Variants in DOP1A observed in about 807,000 individuals in gnomAD.
DOP1A encodes protein DOP1A.
In DOP1A, 90 loss-of-function variants were observed where a neutral mutation model predicts 267.6. The ratio of observed to expected loss-of-function variants is 0.34; its 90% CI spans 0.28 to 0.40. DOP1A has a LOEUF of 0.40. Ranked by LOEUF, DOP1A falls within the 10% of genes least tolerant of loss-of-function variation. The probability of loss-of-function intolerance (pLI) is 1.00; values close to 1 mark genes in which losing one functional copy is unlikely to be tolerated. For missense variants in DOP1A, 2,437 were observed against 2,900.4 expected (o/e 0.84, Z 3.67); for synonymous variants, 932 against 999.1 (o/e 0.93, Z 1.27).
chr6:83,159,792 A>G lies in DOP1A; in HGVS notation c.6798-4A>G, dbSNP rs760070085. ...CTGCTGACAGCACTGTCTCCTGCTT[A>G]CAGGACTTCAGGGCCCTCTGTGGCT... On this transcript the variant is annotated splice_polypyrimidine_tract_variant and splice_region_variant and intron_variant, in intron 36 of 38. Transcript: ENST00000349129. 6.2e-7 allele frequency: 1 copy of G among 1,614,026 alleles called. No homozygotes were observed. Among genetic ancestry groups the G allele is most frequent in the African/African-American group, 1.3e-5 (1 of 74,922 alleles).
chr6:83,077,948 C>T (rs1767415615), intron 1 of DOP1A, among the ~76,000 whole-genome samples: 2 of 152,094 alleles, frequency 1.3e-5, no homozygotes, highest in African/African-American at 4.8e-5. Flanking sequence ...CTGTTCTGGG[C>T]TGTGGGTTGG....
At chr6:83,098,019 A>G (rs568114111) in intron 3 of DOP1A, among the ~76,000 whole-genome samples, 1 of 152,102 alleles carries the variant, frequency 6.6e-6, no homozygotes, top group East Asian at 1.9e-4. Context: ...CAGCCTTCTG[A>G]GTAGGTGGGA....
At chr6:83,142,182 A>C in intron 24 of DOP1A, 136 bp downstream of exon 24, 1 of 1,118,248 alleles carries the variant, frequency 8.9e-7, no homozygotes, top group Admixed American at 2.6e-5. Context: ...CTTTAGATAA[A>C]TTGTTGCCTT....
chr6:83,138,738 A>C lies in DOP1A; in HGVS notation c.4696A>C (p.Asn1566His), dbSNP rs1428415227. The change falls in exon 21 of 39, where the codon AAT (asparagine) becomes CAT (histidine). Residue 1566 changes from asparagine (N) to histidine (H), a missense_variant. Coordinates refer to ENST00000349129, the MANE Select transcript of DOP1A (RefSeq NM_015018.4). Reference sequence around the variant, plus strand: ...AGGTTTCTCAGAGGACAGCCTTATTAATTTCTCAGAGGATGAATTTGACAA... The same window carrying C: ...AGGTTTCTCAGAGGACAGCCTTATTCATTTCTCAGAGGATGAATTTGACAA... ...EEGFSEDSLI[N>H]FSEDEFDNGS... The C allele has an allele frequency of 1.9e-6, 3 of 1,614,052 alleles. No homozygotes were observed. The Admixed American group carries it at 5.0e-5, about 27-fold the overall frequency.
intron 34 of DOP1A, among the ~76,000 whole-genome samples, chr6:83,156,831 A>G (rs1371250103): frequency 6.6e-6 from 1 of 151,918 alleles, no homozygotes; most frequent in Non-Finnish European, 1.5e-5. Context: ...TGTCCCTACA[A>G]TTTTTTTTGT....
intron 25 of DOP1A, among the ~76,000 whole-genome samples, chr6:83,146,278 G>A (rs538536075): frequency 2.4e-4 from 37 of 152,272 alleles, no homozygotes; most frequent in African/African-American, 8.7e-4. Context: ...TTCCCAGAAA[G>A]TATTTACCAA....
intron 38 of DOP1A, chr6:83,166,637 G>A (rs758245662): frequency 4.4e-5 from 44 of 990,488 alleles, no homozygotes; most frequent in Non-Finnish European, 5.4e-5. Context: ...AATATAAAAC[G>A]GCAAATTTCA....
At chr6:83,075,041 T>C (rs1185446394) in intron 1 of DOP1A, among the ~76,000 whole-genome samples, 2 of 152,246 alleles carry the variant, frequency 1.3e-5, no homozygotes, top group Non-Finnish European at 2.9e-5. Context: ...AGTTTCGTTG[T>C]GTGTTCTTTC....
downstream of DOP1A, chr6:83,169,490 A>G: frequency 1.3e-6 from 1 of 748,412 alleles, no homozygotes; most frequent in Admixed American, 2.9e-5. Flanking sequence ...ACAAATTCCA[A>G]AGCCCTTAAA....
chr6:83,071,409 G>A (rs1447095034), intron 1 of DOP1A, among the ~76,000 whole-genome samples: 3 of 152,096 alleles, frequency 2.0e-5, no homozygotes, highest in African/African-American at 7.2e-5. Flanking sequence ...GTTTCGCCAT[G>A]TTGGTCACGC....
intron 38 of DOP1A, 85 bp downstream of exon 38, chr6:83,163,004 T>C: frequency 1.4e-6 from 2 of 1,417,862 alleles, no homozygotes; most frequent in Non-Finnish European, 1.9e-6. Context: ...CCTGGGAAAC[T>C]GAGAACGTTA....
downstream of DOP1A, chr6:83,168,644 G>T: frequency 1.0e-6 from 1 of 996,434 alleles, no homozygotes; most frequent in Non-Finnish European, 1.2e-6. Context: ...ATAACTGAAG[G>T]CTGGACCATG....
chr6:83,131,925 C>G (rs568440051), intron 17 of DOP1A, among the ~76,000 whole-genome samples: 5 of 152,194 alleles, frequency 3.3e-5, no homozygotes, highest in African/African-American at 1.2e-4. Context: ...CCATGAGCCA[C>G]CATGTTCAGA....
intron 1 of DOP1A, among the ~76,000 whole-genome samples, chr6:83,083,917 G>T (rs1424750180): frequency 2.0e-5 from 3 of 152,134 alleles, no homozygotes; most frequent in Non-Finnish European, 4.4e-5. Flanking sequence ...AGAAATCACA[G>T]AATTTGAAAT....
chr6:83,080,395 C>T (rs1020677203), intron 1 of DOP1A, among the ~76,000 whole-genome samples: 2 of 152,098 alleles, frequency 1.3e-5, no homozygotes, highest in Admixed American at 6.6e-5. Flanking sequence ...ATAAGGAAAA[C>T]TTCCTTGATA....
rs566963209 is a variant in DOP1A at position 83,082,359 on chromosome 6, A to G, written c.-146-14372A>G. 2.6e-5 allele frequency among the ~76,000 whole-genome samples: 4 copies of G among 152,358 alleles called. No homozygotes were observed. The South Asian group carries it at 8.3e-4, about 32-fold the overall frequency. On this transcript the variant is annotated intron_variant, in intron 1 of 38. Transcript: ENST00000349129. ...AAAAAGCAAAATTCTGTTCTTTGCA[A>G]TAACATGGATGAACCTAGAGGACAC... is the stretch of plus-strand genomic sequence containing the variant.
chr6:83,166,721 C>A (rs1338689618), intron 38 of DOP1A: 2 of 1,201,174 alleles, frequency 1.7e-6, no homozygotes, highest in Non-Finnish European at 2.1e-6. Context: ...TTAAAATAAG[C>A]AATAAGCTTG....
chr6:83,069,693 A>G (rs1435963576), intron 1 of DOP1A, among the ~76,000 whole-genome samples: 1 of 152,216 alleles, frequency 6.6e-6, no homozygotes, highest in Non-Finnish European at 1.5e-5. Flanking sequence ...AATTATTGGC[A>G]GAAGACTTAT....
At chr6:83,122,744 T>C in intron 11 of DOP1A, 119 bp from the exon 12 acceptor site, 1 of 656,842 alleles carries the variant, frequency 1.5e-6, no homozygotes, top group Non-Finnish European at 2.3e-6. Context: ...TGCAATCTTC[T>C]TACTAGCACA....
Sources: gnomAD v4.1 joint callset for allele counts (sites outside exome capture counted in the v4.1 genomes callset) on GRCh38, gnomAD v4.1.1 for gene constraint, MANE v1.5 for transcripts, NCBI Gene and HGNC (gene_info 2026-07-23, HGNC 2026-07-21) for gene names.